The following KRT18 variants were observed in gnomAD, a reference collection of about 807,000 sequenced individuals.
The protein encoded by KRT18 is keratin 18, also known as keratin, type I cytoskeletal 18.
KRT18 carries 8 observed loss-of-function variants against 39.9 expected under a neutral mutation model. That is an observed-to-expected ratio of 0.20 (90% CI 0.12 to 0.36). KRT18 has a LOEUF of 0.36. Among genes scored for constraint, KRT18 ranks in the 10% least tolerant of loss-of-function variants. The pLI is 1.00. For synonymous variants in KRT18, 194 were observed against 227.8 expected (o/e 0.85, Z 1.33); for missense variants, 396 against 565.7 (o/e 0.70, Z 3.04).
chr12:52,952,140 C>A lies in KRT18; in HGVS notation c.970C>A (p.Leu324Met), dbSNP rs569786087. Residue 324 changes from leucine (L) to methionine (M), a missense_variant, in exon 6 of 7, where the codon CTG becomes ATG. By Grantham distance (15) the Leu-to-Met change is conservative. Transcript: ENST00000388835. ...RNLKASLENS[L>M]REVEARYALQ... ...GCAGAAGGCCAGCTTGGAGAACAGC[C>A]TGAGGGAGGTGGAGGCCCGCTACGC... 29 of 1,565,128 alleles carry A rather than the reference C, an allele frequency of 1.9e-5. No homozygotes were observed. In the Admixed American group the frequency reaches 5.2e-4, roughly 28 times the overall value.
intron 5 of KRT18, 110 bp from the exon 6 acceptor site, chr12:52,952,009 A>ATC: frequency 7.7e-7 from 1 of 1,290,660 alleles, no homozygotes; most frequent in East Asian, 2.4e-5. Flanking sequence ...CCTATCCCTT[A>ATC]TCCCAGTACT....
intron 1 of KRT18, chr12:52,949,966 C>T (rs1203883191): frequency 3.3e-6 from 2 of 614,000 alleles, no homozygotes; most frequent in Non-Finnish European, 5.8e-6. Context: ...AGAGGCCTTC[C>T]TTTGGGAGGA....
In KRT18 at chr12:52,951,832, C is replaced by G. The variant is rs149270992; in HGVS notation, c.924C>G (p.Ile308Met). The change falls in exon 5 of 7, where the codon ATC becomes ATG. Residue 308 changes from isoleucine to methionine, a missense_variant. Ile to Met is a conservative substitution (Grantham distance 10). Transcript: ENST00000388835. ...GACGTACAGTCCAGTCCTTGGAGAT[C>G]GACCTGGACTCCATGAGAAATCTGG... ...ELRRTVQSLE[I>M]DLDSMRNLKA... 1 of 1,607,698 alleles carries G rather than the reference C, an allele frequency of 6.2e-7. No individual in the cohort carries two copies. Among genetic ancestry groups the G allele is most frequent in the South Asian group, 1.1e-5 (1 of 91,084 alleles).
chr12:52,950,926 C>T lies in KRT18; in HGVS notation c.657+20C>T. The T allele has an allele frequency of 6.4e-7, 1 of 1,556,782 alleles. No homozygotes were observed. Among genetic ancestry groups the T allele is most frequent in the Non-Finnish European group, 8.7e-7 (1 of 1,154,448 alleles). On this transcript the variant is annotated intron_variant, in intron 3 of 6. Coordinates refer to ENST00000388835, the MANE Select transcript of KRT18 (RefSeq NM_000224.3). ...GAAGAGGCAAGCAGGGGCCACTGGC[C>T]AGGCCAGGGATTGAGGGGCCAAGAG...
At chr12:52,948,985 C>T, upstream of KRT18, 1 of 496,638 alleles carries the variant, frequency 2.0e-6, no homozygotes. Flanking sequence ...GGGGTGGGGC[C>T]CGGGGCGGAG....
At position 52,952,314 on chromosome 12, in the gene KRT18, C is replaced by A. The variant is rs11551627; in HGVS notation, c.1144C>A (p.Arg382Ser). 1 of 1,606,438 alleles carries A rather than the reference C, an allele frequency of 6.2e-7. No homozygotes were observed. ...KLEAEIATYR[R>S]LLEDGEDFNL... ...GGAGGCTGAGATCGCCACCTACCGC[C>A]GCCTGCTGGAAGATGGCGAGGACTT... Residue 382 changes from arginine to serine, a missense_variant, in exon 6 of 7, where the codon CGC (arginine) becomes AGC (serine). Arg to Ser is a moderately radical substitution (Grantham distance 110). Coordinates refer to ENST00000388835, the MANE Select transcript of KRT18 (RefSeq NM_000224.3).
intron 3 of KRT18, 124 bp from the exon 4 acceptor site, chr12:52,951,357 A>G (rs1268613643): frequency 2.0e-6 from 2 of 1,004,352 alleles, no homozygotes; most frequent in East Asian, 4.8e-5. Flanking sequence ...CCTGAGTGCA[A>G]GCCAAGGGGT....
In KRT18 at chr12:52,952,594, CTGG is replaced by C. The variant is rs1361014442; in HGVS notation, c.1173-127_1173-125del. 16,756 of 1,100,092 alleles carry C rather than the reference CTGG, an allele frequency of 0.015. 1,524 individuals carry two copies. In the African/African-American group the frequency reaches 0.21, roughly 14 times the overall value. 68.1% of individuals were successfully genotyped at this position (1,100,092 alleles called of 1,614,324 possible). Reference sequence around the variant, plus strand: ...AAGTTTGGCCTTGAGTTTCCCTTTTCTGGAGGAAGAGGCTGAGGGTGATTTGGA... The same window carrying C: ...AAGTTTGGCCTTGAGTTTCCCTTTTCAGGAAGAGGCTGAGGGTGATTTGGA... On this transcript the variant is annotated intron_variant, in intron 6 of 6. Transcript: ENST00000388835.
rs751717313 is a variant in KRT18 at position 52,949,224 on chromosome 12, C to A, written c.51C>A (p.Gly17=). 3 of 1,611,542 alleles carry A rather than the reference C, an allele frequency of 1.9e-6. No homozygotes were observed. The highest frequency in any genetic ancestry group is 1.7e-5 in the Admixed American group (1 of 60,012). The change falls in exon 1 of 7, where the codon GGC becomes GGA. Residue 17 remains glycine (G), a synonymous_variant. Coordinates refer to ENST00000388835, the MANE Select transcript of KRT18 (RefSeq NM_000224.3). ...STFSTNYRSL[G]SVQAPSYGAR... is the part of the protein sequence containing the mutation. The stretch of plus-strand genomic sequence containing the variant: ...TCTCCACCAACTACCGGTCCCTGGG[C>A]TCTGTCCAGGCGCCCAGCTACGGCG...
rs369948432 is a variant in KRT18, at chr12:52,950,383, G to A, written c.473G>A (p.Arg158His). ...ATCGTTCTGCAGATTGACAATGCCC[G>A]TCTTGCTGCTGATGACTTTAGAGTC... is the stretch of plus-strand genomic sequence containing the variant. The part of the protein sequence containing the change: ...ARIVLQIDNA[R>H]LAADDFRVKY... Residue 158 changes from arginine (R) to histidine (H), a missense_variant, in exon 2 of 7, where the codon CGT becomes CAT. By Grantham distance (29) the Arg-to-His change is conservative. Transcript: ENST00000388835. The A allele has an allele frequency of 4.6e-5, 74 of 1,613,174 alleles. No homozygotes were observed. In the Middle Eastern group the frequency reaches 4.9e-4, roughly 11 times the overall value.
rs766333046 is a variant in KRT18, at chr12:52,949,585, G to A, written c.412G>A (p.Ala138Thr). The change falls in exon 1 of 7, where the codon GCT becomes ACT. Residue 138 changes from alanine (A) to threonine (T), a missense_variant. By Grantham distance (58) the Ala-to-Thr change is moderately conservative (BLOSUM62 0). Transcript: ENST00000388835. ...HYFKIIEDLR[A>T]QIFANTVDNA... ...CTTCAAGATCATCGAGGACCTGAGG[G>A]CTCAGGTAAGGGGTAGGAGGGACCT... is the stretch of plus-strand genomic sequence containing the variant. The A allele has an allele frequency of 6.2e-7, 1 of 1,613,000 alleles. No individual in the cohort carries two copies. Among genetic ancestry groups the A allele is most frequent in the South Asian group, 1.1e-5 (1 of 91,044 alleles).
At position 52,949,349 on chromosome 12, in the gene KRT18, G is replaced by A. The variant is rs1226267547; in HGVS notation, c.176G>A (p.Gly59Glu). 1 of 1,609,106 alleles carries A rather than the reference G, an allele frequency of 6.2e-7. No homozygotes were observed. Among genetic ancestry groups the A allele is most frequent in the South Asian group, 1.1e-5 (1 of 90,874 alleles). ...SRSTSFRGGM[G>E]SGGLATGIAG... ...TCCACCAGCTTCAGGGGCGGCATGG[G>A]GTCCGGGGGCCTGGCCACCGGGATA... The change falls in exon 1 of 7, where the codon GGG becomes GAG. Residue 59 changes from glycine to glutamate, a missense_variant. Transcript: ENST00000388835.
chr12:52,950,572 C>A (rs1942465080), intron 2 of KRT18, 162 bp downstream of exon 2: 1 of 819,018 alleles, frequency 1.2e-6, no homozygotes, highest in Non-Finnish European at 2.1e-6. Context: ...ATTTGTATAA[C>A]CCCGTTTAAG....
chr12:52,952,045 G>T, intron 5 of KRT18, 74 bp from the exon 6 acceptor site: 2 of 1,392,670 alleles, frequency 1.4e-6, no homozygotes, highest in South Asian at 2.5e-5. Context: ...GCCCAAAAAA[G>T]TTTCCAAAAG....
chr12:52,952,292 G>C lies in KRT18; in HGVS notation c.1122G>C (p.Glu374Asp). ...TGCTGAACATCAAGGTCAAGCTGGAGGCTGAGATCGCCACCTACCGCCGCC... is the reference window on the plus strand; with the variant it reads ...TGCTGAACATCAAGGTCAAGCTGGACGCTGAGATCGCCACCTACCGCCGCC... ...EALLNIKVKL[E>D]AEIATYRRLL... The change falls in exon 6 of 7, where the codon GAG becomes GAC. Residue 374 changes from glutamate (E) to aspartate (D), a missense_variant. Physicochemically the swap from Glu to Asp is conservative, Grantham distance 45. Coordinates refer to ENST00000388835, the MANE Select transcript of KRT18 (RefSeq NM_000224.3). 6.2e-7 allele frequency: 1 copy of C among 1,608,856 alleles called. No individual in the cohort carries two copies. Among genetic ancestry groups the C allele is most frequent in the Non-Finnish European group, 8.5e-7 (1 of 1,178,552 alleles).
chr12:52,952,110 C>A lies in KRT18; in HGVS notation c.949-9C>A. The A allele has an allele frequency of 1.3e-6, 2 of 1,549,076 alleles. No individual in the cohort carries two copies. The highest frequency in any genetic ancestry group is 2.4e-5 in the East Asian group (1 of 41,388). On this transcript the variant is annotated splice_polypyrimidine_tract_variant and intron_variant, in intron 5 of 6. Transcript: ENST00000388835. ...GCTCACCCTGCCCCTCCTCTCTGTG[C>A]CCCTGCAGAAGGCCAGCTTGGAGAA...
At chr12:52,950,097 T>G in intron 1 of KRT18, 1 of 646,880 alleles carries the variant, frequency 1.5e-6, no homozygotes. Flanking sequence ...GCCAGCCAGC[T>G]AGCCAGCCTG....
Position 52,950,816 on chromosome 12 carries a change from T to C in KRT18, c.567T>C (p.Ile189=), listed in dbSNP as rs761174253. 3.1e-6 allele frequency: 5 copies of C among 1,610,462 alleles called. No individual in the cohort carries two copies. The Admixed American group carries it at 8.4e-5, about 27-fold the overall frequency. ...ENDIHGLRKV[I]DDTNITRLQL... is the part of the protein sequence containing the mutation. The stretch of plus-strand genomic sequence containing the variant: ...ACATCCATGGGCTCCGCAAGGTCAT[T>C]GATGACACCAATATCACACGACTGC... The change falls in exon 3 of 7, where the codon ATT becomes ATC. Residue 189 remains isoleucine, a synonymous_variant. Transcript: ENST00000388835.
At chr12:52,951,036 T>C (rs1942477309) in intron 3 of KRT18, 130 bp downstream of exon 3, 3 of 851,092 alleles carry the variant, frequency 3.5e-6, no homozygotes, top group Admixed American at 5.1e-5. Context: ...GGGCTCTTCT[T>C]AAATAAGACC....
Sources: gnomAD v4.1 joint callset for allele counts on GRCh38, gnomAD v4.1.1 for gene constraint, MANE v1.5 for transcripts, NCBI Gene and HGNC (gene_info 2026-07-23, HGNC 2026-07-21) for gene names.